Variants in ALK observed in about 807,000 individuals in gnomAD.
The protein encoded by ALK is ALK tyrosine kinase receptor.
A neutral mutation model predicts 163.1 loss-of-function variants in ALK; 74 were observed. The ratio of observed to expected loss-of-function variants is 0.45; its 90% CI spans 0.38 to 0.55. The LOEUF is 0.55. Among genes scored for constraint, ALK ranks in the 20% least tolerant of loss-of-function variants. ALK has a pLI of 0.00. For missense variants in ALK, 2,063 were observed against 2,105.3 expected, an observed-to-expected ratio of 0.98 and a Z score of 0.39; for synonymous variants, 960 against 843.2, an observed-to-expected ratio of 1.14 and a Z score of -2.40.
In ALK at chr2:29,470,703, C is replaced by T. The variant is rs534342403; in HGVS notation, c.1154+61212G>A. Among the ~76,000 whole-genome samples, 11 of 147,800 alleles carry T rather than the reference C, an allele frequency of 7.4e-5. No individual in the cohort carries two copies. The South Asian group carries it at 2.1e-3, about 29-fold the overall frequency. On this transcript the variant is annotated intron_variant, in intron 4 of 28. Transcript: ENST00000389048. Reference sequence around the variant, plus strand: ...CAGCTGAATTTTTTTTTTTTTTTGCCAGCAGACCCTTACTAAAAGAAATAT... The same window carrying T: ...CAGCTGAATTTTTTTTTTTTTTTGCTAGCAGACCCTTACTAAAAGAAATAT...
intron 1 of ALK, among the ~76,000 whole-genome samples, chr2:29,773,382 C>A (rs577136605): frequency 9.2e-5 from 14 of 152,228 alleles, no homozygotes; most frequent in African/African-American, 3.4e-4. Context: ...AACAATCTTT[C>A]AGGGGCCCTC....
intron 2 of ALK, among the ~76,000 whole-genome samples, chr2:29,700,208 A>C (rs370314341): frequency 6.6e-6 from 1 of 152,186 alleles, no homozygotes; most frequent in African/African-American, 2.4e-5. Context: ...GTGAATGTAC[A>C]TCACACTCAA....
chr2:29,217,852 C>G (rs1360044114), intron 23 of ALK, among the ~76,000 whole-genome samples: 1 of 146,822 alleles, frequency 6.8e-6, no homozygotes, highest in African/African-American at 2.5e-5. Flanking sequence ...AATCTGGAGG[C>G]ACACCTCCGC....
rs137966797 is a variant in ALK, at chr2:29,675,928, A to G, written c.952+18922T>C. 3.7e-3 allele frequency among the ~76,000 whole-genome samples: 566 copies of G among 152,104 alleles called. 7 individuals carry two copies. The highest frequency in any genetic ancestry group is 2.9e-3 in the Non-Finnish European group (194 of 67,946). On this transcript the variant is annotated intron_variant, in intron 3 of 28. Transcript: ENST00000389048. The stretch of plus-strand genomic sequence containing the variant: ...TGTTGTAGAGATGGCACCCCTCTAT[A>G]TTGACCAGACTGGTCTTGAACTTCT...
rs745610953 is a variant in ALK at position 29,233,613 on chromosome 2, C to T, written c.2439G>A (p.Glu813=). The T allele has an allele frequency of 6.2e-7, 1 of 1,614,252 alleles. No individual in the cohort carries two copies. The highest frequency in any genetic ancestry group is 1.7e-5 in the Admixed American group (1 of 60,028). Residue 813 remains glutamate (E), a synonymous_variant, in exon 14 of 29, where the codon GAG becomes GAA. Transcript: ENST00000389048. ...CCCCTCCTCCTCCGCCTCCTGCCCA[C>T]TCATGCACGCTTCTGTTCACACGGA... The part of the protein sequence containing the change: ...EEIRVNRSVH[E]WAGGGGGGGG...
At chr2:29,247,656 C>T (rs1344305812) in intron 12 of ALK, among the ~76,000 whole-genome samples, 1 of 152,176 alleles carries the variant, frequency 6.6e-6, no homozygotes, top group Non-Finnish European at 1.5e-5. Flanking sequence ...GTGTTTCCAA[C>T]TGTGTACATC....
intron 1 of ALK, among the ~76,000 whole-genome samples, chr2:29,825,669 T>C (rs866144786): frequency 2.4e-4 from 37 of 152,014 alleles, no homozygotes; most frequent in African/African-American, 8.2e-4. Context: ...TTATGCATGA[T>C]TGTGATAGAA....
At chr2:29,304,655 A>G (rs1573210784) in intron 8 of ALK, among the ~76,000 whole-genome samples, 1 of 152,300 alleles carries the variant, frequency 6.6e-6, no homozygotes, top group South Asian at 2.1e-4. Context: ...GGCTTGTCAA[A>G]CCATCCTCTT....
At chr2:29,301,970 C>T (rs1230224427) in intron 8 of ALK, among the ~76,000 whole-genome samples, 1 of 152,228 alleles carries the variant, frequency 6.6e-6, no homozygotes, top group Non-Finnish European at 1.5e-5. Flanking sequence ...CTACTCTTTG[C>T]TGCATACTCT....
Position 29,297,035 on chromosome 2 carries a change from C to T in ALK, c.1670G>A (p.Arg557His), listed in dbSNP as rs200468507. Reference protein sequence around the residue: ...PCELRMSWLIRGVLRGNVSLV... With the variant: ...PCELRMSWLIHGVLRGNVSLV... Reference sequence around the variant, plus strand: ...GGACACGTTTCCCCTCAAGACTCCACGAATGAGCCAGGACATTCGGAGCTG... The same window carrying T: ...GGACACGTTTCCCCTCAAGACTCCATGAATGAGCCAGGACATTCGGAGCTG... The change falls in exon 9 of 29, where the codon CGT (arginine) becomes CAT (histidine). Residue 557 changes from arginine (R) to histidine (H), a missense_variant. Transcript: ENST00000389048. 3.6e-5 allele frequency: 58 copies of T among 1,614,036 alleles called. No individual in the cohort carries two copies. The highest frequency in any genetic ancestry group is 7.7e-5 in the South Asian group (7 of 91,086).
chr2:29,504,828 T>C (rs1672273074), intron 4 of ALK, among the ~76,000 whole-genome samples: 1 of 152,196 alleles, frequency 6.6e-6, no homozygotes, highest in Non-Finnish European at 1.5e-5. Context: ...CCAAATGTTA[T>C]TGCGGTTTTT....
At chr2:29,280,800 T>G (rs1665695920) in intron 9 of ALK, among the ~76,000 whole-genome samples, 1 of 150,740 alleles carries the variant, frequency 6.6e-6, no homozygotes, top group Admixed American at 6.6e-5. Flanking sequence ...ACTCTGGGAC[T>G]GAGGGGAGGT....
In ALK at chr2:29,587,303, C is replaced by G. The variant is rs543975786; in HGVS notation, c.953-55187G>C. Among the ~76,000 whole-genome samples, 7 of 152,330 alleles carry G rather than the reference C, an allele frequency of 4.6e-5. No individual in the cohort carries two copies. The East Asian group carries it at 1.3e-3, about 29-fold the overall frequency. ...CTTTGACTTCTTTCAGTCCTGATCT[C>G]CCATACAAATAACATCTGTCTTTCA... On this transcript the variant is annotated intron_variant, in intron 3 of 28. Transcript: ENST00000389048.
chr2:29,279,098 C>G (rs1240780479), intron 9 of ALK, among the ~76,000 whole-genome samples: 1 of 152,230 alleles, frequency 6.6e-6, no homozygotes, highest in Non-Finnish European at 1.5e-5. Flanking sequence ...TCTGCGAAGT[C>G]TCTCACAGCC....
intron 3 of ALK, among the ~76,000 whole-genome samples, chr2:29,558,917 C>T (rs937222680): frequency 1.3e-5 from 2 of 152,120 alleles, no homozygotes. Flanking sequence ...GTGAAATAAT[C>T]TATCAATTAT....
Position 29,717,643 on chromosome 2 carries a change from A to G in ALK, c.722T>C (p.Phe241Ser). 6.2e-7 allele frequency: 1 copy of G among 1,614,040 alleles called. No individual in the cohort carries two copies. Among genetic ancestry groups the G allele is most frequent in the Non-Finnish European group, 8.5e-7 (1 of 1,179,892 alleles). ...TNMPSPSPDY[F>S]TWNLTWIMKD... ...CATTATCCAGGTGAGATTCCATGTA[A>G]AATAATCAGGAGAAGGAGAAGGCAT... Residue 241 changes from phenylalanine (F) to serine (S), a missense_variant, in exon 2 of 29, where the codon TTT becomes TCT. By Grantham distance (155) the Phe-to-Ser change is radical. Transcript: ENST00000389048.
intron 3 of ALK, among the ~76,000 whole-genome samples, chr2:29,628,041 T>C (rs1021323808): frequency 6.6e-6 from 1 of 152,214 alleles, no homozygotes; most frequent in East Asian, 1.9e-4. Flanking sequence ...AGTCTTCAGA[T>C]GAAGAATTGG....
chr2:29,679,786 C>G (rs1260437264), intron 3 of ALK, among the ~76,000 whole-genome samples: 1 of 151,914 alleles, frequency 6.6e-6, no homozygotes, highest in East Asian at 1.9e-4. Context: ...ATTTCTAGTA[C>G]TCTTCATTTC....
At chr2:29,649,177 G>A (rs1676967472) in intron 3 of ALK, among the ~76,000 whole-genome samples, 1 of 151,710 alleles carries the variant, frequency 6.6e-6, no homozygotes. Flanking sequence ...GACACTTTCT[G>A]AGGTTACAAT....
Sources: allele counts gnomAD v4.1 joint callset (sites outside exome capture counted in the v4.1 genomes callset), GRCh38; gene constraint gnomAD v4.1.1; transcripts MANE v1.5; gene names NCBI Gene and HGNC (gene_info 2026-07-23, HGNC 2026-07-21).